The following SCHIP1 variants were observed in gnomAD, a reference collection of about 807,000 sequenced individuals.
SCHIP1 encodes schwannomin-interacting protein 1.
SCHIP1 carries 8 observed loss-of-function variants against 29.7 expected under a neutral mutation model. The observed-to-expected ratio is 0.27, with a 90% CI of 0.16 to 0.49. The LOEUF is 0.49. Among genes scored for constraint, SCHIP1 ranks in the 20% least tolerant of loss-of-function variants. The probability of loss-of-function intolerance (pLI) is 0.99; values close to 1 mark genes in which losing one functional copy is unlikely to be tolerated. For synonymous variants in SCHIP1, 76 were observed against 94.9 expected (o/e 0.80, Z 1.16); for missense variants, 193 against 294.6 (o/e 0.66, Z 2.52).
At chr3:159,279,565 T>C in the SCHIP1 span, among the ~76,000 whole-genome samples, 1 of 152,172 alleles carries the variant, frequency 6.6e-6, no homozygotes, top group African/African-American at 2.4e-5. Context: ...ACTTCTGTTC[T>C]ACTGTGGGAA....
the SCHIP1 span, among the ~76,000 whole-genome samples, chr3:159,500,011 C>T: frequency 5.3e-5 from 8 of 151,736 alleles, no homozygotes; most frequent in Admixed American, 2.0e-4. Flanking sequence ...AAGTGACTCC[C>T]GGAGAAGGAA....
At chr3:159,374,337 G>A in the SCHIP1 span, among the ~76,000 whole-genome samples, 2 of 151,996 alleles carry the variant, frequency 1.3e-5, no homozygotes, top group Admixed American at 6.6e-5. Flanking sequence ...AGGTGAGCAG[G>A]GTGATGGCAA....
chr3:159,753,622 C>T, the SCHIP1 span, among the ~76,000 whole-genome samples: 2 of 152,166 alleles, frequency 1.3e-5, 1 homozygote, highest in South Asian at 4.1e-4. Flanking sequence ...GTATGTATTT[C>T]CTAATTAGTC....
At chr3:159,275,803 T>C in the SCHIP1 span, among the ~76,000 whole-genome samples, 1 of 152,214 alleles carries the variant, frequency 6.6e-6, no homozygotes, top group African/African-American at 2.4e-5. Context: ...GCTAAACTGT[T>C]AGATATTCAC....
chr3:159,556,224 T>A, the SCHIP1 span, among the ~76,000 whole-genome samples: 1 of 152,046 alleles, frequency 6.6e-6, no homozygotes, highest in Non-Finnish European at 1.5e-5. Flanking sequence ...TGAGATACCA[T>A]CTCACACCAG....
the SCHIP1 span, among the ~76,000 whole-genome samples, chr3:159,504,316 C>A: frequency 6.6e-6 from 1 of 152,132 alleles, no homozygotes; most frequent in Non-Finnish European, 1.5e-5. Flanking sequence ...ATTCTTCTCC[C>A]AGAATATCTT....
At chr3:159,506,451 G>A in the SCHIP1 span, among the ~76,000 whole-genome samples, 8 of 152,178 alleles carry the variant, frequency 5.3e-5, no homozygotes, top group African/African-American at 1.9e-4. Context: ...CTTTTGCTGT[G>A]CAGAAGCTCT....
At chr3:159,659,098 C>T in the SCHIP1 span, among the ~76,000 whole-genome samples, 9 of 152,140 alleles carry the variant, frequency 5.9e-5, no homozygotes, top group Admixed American at 2.0e-4. Flanking sequence ...TGTTTGGGAC[C>T]GGGCACATAG....
chr3:159,719,013 T>A, the SCHIP1 span, among the ~76,000 whole-genome samples: 1 of 152,146 alleles, frequency 6.6e-6, no homozygotes, highest in Non-Finnish European at 1.5e-5. Flanking sequence ...CAAAACAGCA[T>A]GGTACTGGTA....
At chr3:159,800,598 T>A in the SCHIP1 span, among the ~76,000 whole-genome samples, 4 of 152,216 alleles carry the variant, frequency 2.6e-5, no homozygotes, top group Non-Finnish European at 4.4e-5. Flanking sequence ...ATGACAGTGA[T>A]TCTCCACATG....
At chr3:159,483,643 C>A in the SCHIP1 span, among the ~76,000 whole-genome samples, 1 of 152,164 alleles carries the variant, frequency 6.6e-6, no homozygotes, top group Non-Finnish European at 1.5e-5. Flanking sequence ...ATTAAATCAA[C>A]ACACTATTCA....
chr3:159,844,996 G>A (rs904278127), intron 1 of SCHIP1, among the ~76,000 whole-genome samples: 51 of 152,194 alleles, frequency 3.4e-4, no homozygotes, highest in Admixed American at 3.1e-3. Flanking sequence ...GAGAAGCACC[G>A]TCAGAAATCT....
At chr3:159,779,930 T>C in the SCHIP1 span, among the ~76,000 whole-genome samples, 1 of 152,160 alleles carries the variant, frequency 6.6e-6, no homozygotes, top group East Asian at 1.9e-4. Flanking sequence ...ATGGGACATA[T>C]TGGAAATACC....
the SCHIP1 span, among the ~76,000 whole-genome samples, chr3:159,481,809 A>G: frequency 6.6e-6 from 1 of 152,208 alleles, no homozygotes; most frequent in East Asian, 1.9e-4. Flanking sequence ...TTTATTTTGT[A>G]TCATGGAAAA....
the SCHIP1 span, among the ~76,000 whole-genome samples, chr3:159,633,881 T>C: frequency 6.6e-6 from 1 of 151,818 alleles, no homozygotes; most frequent in Admixed American, 6.6e-5. Flanking sequence ...CATTAGAGGG[T>C]TTTTTGAAAT....
the SCHIP1 span, among the ~76,000 whole-genome samples, chr3:159,648,982 C>T: frequency 2.0e-5 from 3 of 152,120 alleles, no homozygotes; most frequent in African/African-American, 7.2e-5. Flanking sequence ...ACATACCCAC[C>T]TCCATTTTCC....
chr3:159,554,120 T>C, the SCHIP1 span, among the ~76,000 whole-genome samples: 1 of 151,660 alleles, frequency 6.6e-6, no homozygotes, highest in African/African-American at 2.4e-5. Flanking sequence ...TCCGCCCGCC[T>C]TGGCTTCCCA....
chr3:159,871,850 T>C (rs1715327807), intron 2 of SCHIP1, among the ~76,000 whole-genome samples: 1 of 152,176 alleles, frequency 6.6e-6, no homozygotes, highest in Admixed American at 6.5e-5. Context: ...ATAAATTTCC[T>C]GATTCTGCCA....
chr3:159,688,431 G>A, the SCHIP1 span, among the ~76,000 whole-genome samples: 2 of 152,012 alleles, frequency 1.3e-5, no homozygotes, highest in East Asian at 1.9e-4. Flanking sequence ...ATCCTTTGCC[G>A]ACTTTTTGAT....
Sources: gnomAD v4.1 joint callset for allele counts (sites outside exome capture counted in the v4.1 genomes callset) on GRCh38, gnomAD v4.1.1 for gene constraint, MANE v1.5 for transcripts, NCBI Gene and HGNC (gene_info 2026-07-23, HGNC 2026-07-21) for gene names.